Variants in POFUT3 observed in about 807,000 individuals in gnomAD.
POFUT3 encodes the protein GDP-fucose protein O-fucosyltransferase 3.
the POFUT3 span, among the ~76,000 whole-genome samples, chr8:33,360,155 C>T: frequency 3.2e-4 from 49 of 151,766 alleles, no homozygotes; most frequent in Non-Finnish European, 5.0e-4. Flanking sequence ...TAATAAATAT[C>T]AGTAACCGGC....
chr8:33,360,675 G>A, the POFUT3 span, among the ~76,000 whole-genome samples: 2 of 152,086 alleles, frequency 1.3e-5, no homozygotes, highest in Non-Finnish European at 2.9e-5. Context: ...CAACTTGGAT[G>A]ATAAATTATA....
chr8:33,453,763 T>C, the POFUT3 span, among the ~76,000 whole-genome samples: 1 of 152,000 alleles, frequency 6.6e-6, no homozygotes, highest in Non-Finnish European at 1.5e-5. Context: ...CTGGCCAACA[T>C]AGTGAAACCC....
chr8:33,432,999 C>T, the POFUT3 span, among the ~76,000 whole-genome samples: 9 of 151,976 alleles, frequency 5.9e-5, no homozygotes, highest in African/African-American at 1.9e-4. Context: ...TTTGGGAGGC[C>T]GAGGCAAGTA....
chr8:33,346,016 G>A, the POFUT3 span, among the ~76,000 whole-genome samples: 4 of 151,590 alleles, frequency 2.6e-5, no homozygotes, highest in Non-Finnish European at 4.4e-5. Context: ...TTAGAGATGG[G>A]GTTTCTCCAT....
the POFUT3 span, among the ~76,000 whole-genome samples, chr8:33,439,685 G>A: frequency 6.6e-6 from 1 of 151,636 alleles, no homozygotes; most frequent in African/African-American, 2.4e-5. Flanking sequence ...GGCCAAGATG[G>A]TGAAACTCCG....
At chr8:33,416,452 C>G in the POFUT3 span, among the ~76,000 whole-genome samples, 130 of 152,128 alleles carry the variant, frequency 8.5e-4, no homozygotes, top group Middle Eastern at 3.4e-3. Flanking sequence ...TGGCGCACAC[C>G]TGTAATCCCA....
the POFUT3 span, among the ~76,000 whole-genome samples, chr8:33,366,070 T>A: frequency 6.6e-6 from 1 of 152,186 alleles, no homozygotes; most frequent in African/African-American, 2.4e-5. Context: ...TGGAATACTA[T>A]GCAGCCATAA....
At chr8:33,388,361 G>T in the POFUT3 span, among the ~76,000 whole-genome samples, 2 of 118,470 alleles carry the variant, frequency 1.7e-5, no homozygotes, top group Non-Finnish European at 1.6e-5. Context: ...TTTTGAGACA[G>T]AGTCTCGCTC....
the POFUT3 span, among the ~76,000 whole-genome samples, chr8:33,323,065 G>A: frequency 6.6e-6 from 1 of 152,112 alleles, no homozygotes; most frequent in Middle Eastern, 3.4e-3. Flanking sequence ...TCATTTCAGT[G>A]TCCAATCTCT....
chr8:33,361,559 C>T, the POFUT3 span: 1 of 152,194 alleles, frequency 6.6e-6, no homozygotes, highest in Non-Finnish European at 1.5e-5. Context: ...AAGTGGTTTA[C>T]ATTTTGCTAA....
the POFUT3 span, among the ~76,000 whole-genome samples, chr8:33,346,749 G>A: frequency 6.6e-6 from 1 of 152,060 alleles, no homozygotes; most frequent in East Asian, 1.9e-4. Flanking sequence ...TGCAAAGAAA[G>A]ACATGAGCCC....
the POFUT3 span, among the ~76,000 whole-genome samples, chr8:33,321,184 G>C: frequency 0.09 from 13,664 of 151,998 alleles, 1,149 homozygotes; most frequent in African/African-American, 0.21. Flanking sequence ...TATAGTTCCC[G>C]AGGTGCAAGT....
the POFUT3 span, among the ~76,000 whole-genome samples, chr8:33,319,638 ATT>A: frequency 1.3e-5 from 1 of 74,170 alleles, no homozygotes. Context: ...TTTTATATAT[ATT>A]TATATATTAT....
At chr8:33,379,864 T>TAAAATATATATATATATATATATATAA in the POFUT3 span, among the ~76,000 whole-genome samples, 3 of 124,058 alleles carry the variant, frequency 2.4e-5, no homozygotes, top group African/African-American at 9.7e-5. Flanking sequence ...TATATATATA[T>TAAAATATATATATATATATATATATAA]AATATATATA....
At chr8:33,387,821 A>G in the POFUT3 span, among the ~76,000 whole-genome samples, 3 of 152,174 alleles carry the variant, frequency 2.0e-5, no homozygotes, top group African/African-American at 7.2e-5. Flanking sequence ...AAGAAGAACA[A>G]GAAAATATTT....
At chr8:33,420,456 G>T in the POFUT3 span, among the ~76,000 whole-genome samples, 1 of 152,156 alleles carries the variant, frequency 6.6e-6, no homozygotes, top group Non-Finnish European at 1.5e-5. Flanking sequence ...ACTGATGGTT[G>T]TTGAAGCTAG....
chr8:33,361,196 A>T, the POFUT3 span: 2 of 152,286 alleles, frequency 1.3e-5, no homozygotes, highest in South Asian at 4.1e-4. Context: ...ACAGATGTGG[A>T]TTGGCTGGAG....
the POFUT3 span, among the ~76,000 whole-genome samples, chr8:33,451,327 T>C: frequency 6.6e-6 from 1 of 152,088 alleles, no homozygotes; most frequent in Non-Finnish European, 1.5e-5. Context: ...ATTTTTCAGA[T>C]TTAGGATGCT....
the POFUT3 span, among the ~76,000 whole-genome samples, chr8:33,321,608 C>T: frequency 6.6e-6 from 1 of 152,100 alleles, no homozygotes; most frequent in African/African-American, 2.4e-5. Flanking sequence ...ATTATATTGT[C>T]AAGCCAAGTC....
Sources: allele counts gnomAD v4.1 joint callset (sites outside exome capture counted in the v4.1 genomes callset), GRCh38; gene constraint gnomAD v4.1.1; transcripts MANE v1.5; gene names NCBI Gene and HGNC (gene_info 2026-07-23, HGNC 2026-07-21).